The following PRDM5 variants were observed in gnomAD, a reference collection of about 807,000 sequenced individuals.
PRDM5 encodes the protein PR/SET domain 5.
Under a neutral mutation model 81.2 loss-of-function variants are expected in PRDM5, and 56 were observed. That is an observed-to-expected ratio of 0.69 (90% confidence interval 0.56 to 0.86). PRDM5 has a LOEUF of 0.86. Ranked by LOEUF, PRDM5 falls within the 40% of genes least tolerant of loss-of-function variation. The pLI is 0.00. For synonymous variants in PRDM5, 267 were observed against 256.4 expected (o/e 1.04, Z -0.39); for missense variants, 697 against 770.1 (o/e 0.91, Z 1.12).
chr4:120,890,448 T>C (rs143097143), intron 2 of PRDM5, among the ~76,000 whole-genome samples: 282 of 152,324 alleles, frequency 1.9e-3, no homozygotes, highest in Non-Finnish European at 1.9e-3. Flanking sequence ...TAGGAACGTA[T>C]ATCTAAACCA....
At chr4:120,824,716 A>G (rs993187546) in intron 3 of PRDM5, among the ~76,000 whole-genome samples, 10 of 152,154 alleles carry the variant, frequency 6.6e-5, no homozygotes, top group African/African-American at 2.4e-4. Flanking sequence ...TGTAATATCA[A>G]AAAGTCACCA....
chr4:120,811,474 A>G, intron 7 of PRDM5, 25 bp from the exon 8 acceptor site: 1 of 1,394,986 alleles, frequency 7.2e-7, no homozygotes, highest in South Asian at 1.2e-5. Flanking sequence ...AAATACCATG[A>G]TGATTTAAAT....
chr4:120,884,700 C>A (rs903405551), intron 2 of PRDM5, among the ~76,000 whole-genome samples: 6 of 152,154 alleles, frequency 3.9e-5, no homozygotes, highest in African/African-American at 1.4e-4. Flanking sequence ...GGGGACACTA[C>A]TTCTGAGTGT....
rs1369790142 is a variant in PRDM5, at chr4:120,718,009, T to C, written c.1624-7596A>G. 2.6e-5 allele frequency among the ~76,000 whole-genome samples: 4 copies of C among 152,168 alleles called. No homozygotes were observed. In the East Asian group the frequency reaches 5.8e-4, roughly 22 times the overall value. On this transcript the variant is annotated intron_variant, in intron 14 of 15. Transcript: ENST00000264808. ...AGGCAATGAAAGAAAACAGGAAGACTAGTGAGCATGGCGAGGACTGTCAGA... is the reference window on the plus strand; with the variant it reads ...AGGCAATGAAAGAAAACAGGAAGACCAGTGAGCATGGCGAGGACTGTCAGA...
At chr4:120,702,449 T>G (rs1735523906) in intron 15 of PRDM5, among the ~76,000 whole-genome samples, 1 of 152,188 alleles carries the variant, frequency 6.6e-6, no homozygotes, top group African/African-American at 2.4e-5. Context: ...TGTTAAATGC[T>G]CTCATAGCGG....
intron 14 of PRDM5, among the ~76,000 whole-genome samples, chr4:120,724,462 G>C (rs1483672767): frequency 6.6e-6 from 1 of 152,164 alleles, no homozygotes; most frequent in Non-Finnish European, 1.5e-5. Flanking sequence ...TAATATAGGA[G>C]TACAGAGAAT....
intron 15 of PRDM5, among the ~76,000 whole-genome samples, chr4:120,705,236 C>T (rs886473178): frequency 1.3e-5 from 2 of 152,058 alleles, no homozygotes; most frequent in African/African-American, 4.8e-5. Flanking sequence ...TTCCCACATG[C>T]CAGGCACTGT....
rs74753308 is a variant in PRDM5, at chr4:120,806,429, C to A, written c.945+4941G>T. ...AAAAAGAACAAAGCTGGAGGCATCACCCTACCTGACTTCAAACTATACTAC... is the reference window on the plus strand; with the variant it reads ...AAAAAGAACAAAGCTGGAGGCATCAACCTACCTGACTTCAAACTATACTAC... On this transcript the variant is annotated intron_variant, in intron 8 of 15. Coordinates refer to ENST00000264808, the MANE Select transcript of PRDM5 (RefSeq NM_018699.4). Among the ~76,000 whole-genome samples the A allele has an allele frequency of 3.9e-5, 6 of 152,284 alleles. No homozygotes were observed. The East Asian group carries it at 5.8e-4, about 15-fold the overall frequency.
At chr4:120,686,395 A>C (rs560457660) in intron 1 of PRDM5, among the ~76,000 whole-genome samples, 1 of 152,144 alleles carries the variant, frequency 6.6e-6, no homozygotes, top group Non-Finnish European at 1.5e-5. Flanking sequence ...GATGTGTTAC[A>C]TTGTACCTTT....
At chr4:120,774,626 T>C (rs1329310128) in intron 13 of PRDM5, among the ~76,000 whole-genome samples, 1 of 152,154 alleles carries the variant, frequency 6.6e-6, no homozygotes, top group African/African-American at 2.4e-5. Context: ...AGGGCCGTTA[T>C]GGAGGCCCAG....
At chr4:120,909,244 C>A (rs1379391306) in intron 1 of PRDM5, among the ~76,000 whole-genome samples, 3 of 152,214 alleles carry the variant, frequency 2.0e-5, no homozygotes, top group Non-Finnish European at 4.4e-5. Context: ...ACACTCAAAA[C>A]CCTGACAGAC....
intron 3 of PRDM5, among the ~76,000 whole-genome samples, chr4:120,835,311 T>A (rs1358360342): frequency 1.3e-5 from 2 of 152,152 alleles, no homozygotes; most frequent in African/African-American, 2.4e-5. Context: ...ACTGACCTAG[T>A]CTAGAGTTCA....
chr4:120,916,187 G>A (rs1301749257), intron 1 of PRDM5, among the ~76,000 whole-genome samples: 1 of 152,000 alleles, frequency 6.6e-6, no homozygotes, highest in African/African-American at 2.4e-5. Flanking sequence ...TCAGGAGTTC[G>A]AGATCAGCCT....
intron 14 of PRDM5, among the ~76,000 whole-genome samples, chr4:120,740,398 C>T (rs1192640784): frequency 6.6e-6 from 1 of 152,166 alleles, no homozygotes; most frequent in Admixed American, 6.5e-5. Context: ...TAGCTATTAG[C>T]ACTCCTCAGG....
intron 14 of PRDM5, among the ~76,000 whole-genome samples, chr4:120,750,718 A>G (rs56684299): frequency 0.25 from 37,119 of 149,936 alleles, 4,842 homozygotes; most frequent in African/African-American, 0.28. Flanking sequence ...ACACACACAC[A>G]CGCGCACACA....
intron 14 of PRDM5, among the ~76,000 whole-genome samples, chr4:120,731,309 A>G (rs537667057): frequency 6.6e-6 from 1 of 151,878 alleles, no homozygotes; most frequent in African/African-American, 2.4e-5. Context: ...TCACCCGGCT[A>G]TGAGATGAGA....
intron 13 of PRDM5, among the ~76,000 whole-genome samples, chr4:120,760,341 C>A (rs1745420722): frequency 6.6e-6 from 1 of 152,070 alleles, no homozygotes; most frequent in Non-Finnish European, 1.5e-5. Context: ...CCAAGTGAAT[C>A]CAAACACTAT....
Position 120,781,210 on chromosome 4 carries a change from T to C in PRDM5, c.1376A>G (p.Lys459Arg). The change falls in exon 12 of 16, where the codon AAG becomes AGG. Residue 459 changes from lysine (K) to arginine (R), a missense_variant. Coordinates refer to ENST00000264808, the MANE Select transcript of PRDM5 (RefSeq NM_018699.4). The stretch of plus-strand genomic sequence containing the variant: ...ATTACATAGCTCACACCTATACTTC[T>C]TGTGTCTTTCATGAACCACCTGGAC... ...VHVQVVHERH[K>R]KYRCELCNKA... The C allele has an allele frequency of 6.2e-7, 1 of 1,613,336 alleles. No homozygotes were observed. The highest frequency in any genetic ancestry group is 1.1e-5 in the South Asian group (1 of 91,076).
intron 2 of PRDM5, among the ~76,000 whole-genome samples, chr4:120,878,720 C>CA (rs1362384408): frequency 3.3e-5 from 5 of 151,638 alleles, no homozygotes; most frequent in African/African-American, 1.2e-4. Flanking sequence ...TTTAAATGAG[C>CA]AAAAAAAATC....
Sources: gnomAD v4.1 joint callset for allele counts (sites outside exome capture counted in the v4.1 genomes callset) on GRCh38, gnomAD v4.1.1 for gene constraint, MANE v1.5 for transcripts, NCBI Gene and HGNC (gene_info 2026-07-23, HGNC 2026-07-21) for gene names.